Variants in ELMOD1 observed in about 807,000 individuals in gnomAD.
ELMOD1 encodes ELMO domain-containing protein 1.
A neutral mutation model predicts 46.7 loss-of-function variants in ELMOD1; 21 were observed. The ratio of observed to expected loss-of-function variants is 0.45; its 90% CI spans 0.32 to 0.65. ELMOD1 has a LOEUF of 0.65. ELMOD1 is among the 30% of genes least tolerant of loss of function. The pLI is 0.04. For missense variants in ELMOD1, 348 were observed against 407.8 expected, an observed-to-expected ratio of 0.85 and a Z score of 1.26; for synonymous variants, 122 against 138.2, an observed-to-expected ratio of 0.88 and a Z score of 0.82.
chr11:107,640,253 A>C (rs1414474043), intron 6 of ELMOD1, among the ~76,000 whole-genome samples: 1 of 152,166 alleles, frequency 6.6e-6, no homozygotes, highest in Non-Finnish European at 1.5e-5. Context: ...CTTCCAAAAT[A>C]AGTTTGACAA....
chr11:107,608,211 A>G (rs1284377935), intron 1 of ELMOD1, among the ~76,000 whole-genome samples: 5 of 152,140 alleles, frequency 3.3e-5, no homozygotes, highest in Non-Finnish European at 7.3e-5. Context: ...ATGAAAAGAA[A>G]ACAAGAAGAG....
intron 1 of ELMOD1, among the ~76,000 whole-genome samples, chr11:107,605,069 AT>A (rs1484654720): frequency 1.3e-5 from 2 of 152,218 alleles, no homozygotes; most frequent in African/African-American, 4.8e-5. Flanking sequence ...TTATTGTGAA[AT>A]TTAAACTAAA....
intron 1 of ELMOD1, among the ~76,000 whole-genome samples, chr11:107,598,709 C>G (rs1865536617): frequency 6.6e-6 from 1 of 152,234 alleles, no homozygotes; most frequent in Non-Finnish European, 1.5e-5. Flanking sequence ...TTGACCAGTG[C>G]TGGAGCGTCA....
chr11:107,615,755 T>A (rs1262707386), intron 1 of ELMOD1, among the ~76,000 whole-genome samples: 2 of 152,148 alleles, frequency 1.3e-5, no homozygotes, highest in African/African-American at 2.4e-5. Context: ...TAGACTTTCC[T>A]TGTTTTTTAA....
intron 11 of ELMOD1, among the ~76,000 whole-genome samples, chr11:107,659,214 G>A (rs493770): frequency 0.24 from 36,652 of 152,068 alleles, 8,896 homozygotes; most frequent in African/African-American, 0.62. Context: ...TGTAAGCCAC[G>A]TCAAACAGCA....
intron 1 of ELMOD1, among the ~76,000 whole-genome samples, chr11:107,599,254 C>T (rs910586762): frequency 6.6e-5 from 10 of 152,106 alleles, no homozygotes; most frequent in African/African-American, 2.4e-4. Flanking sequence ...TGCATTTCAT[C>T]CATTCCAAGA....
At chr11:107,601,330 GC>G (rs1406934710) in intron 1 of ELMOD1, among the ~76,000 whole-genome samples, 2 of 141,750 alleles carry the variant, frequency 1.4e-5, no homozygotes, top group Non-Finnish European at 3.0e-5. Context: ...TTTATTTATA[GC>G]TTTTTTTTTG....
intron 10 of ELMOD1, among the ~76,000 whole-genome samples, chr11:107,655,159 C>CTG (rs33941184): frequency 0.79 from 119,307 of 151,978 alleles, 47,675 homozygotes; most frequent in African/African-American, 0.93. Context: ...CCTTGCACAT[C>CTG]TGTGTATATA....
chr11:107,645,873 T>C (rs866944572), intron 6 of ELMOD1, among the ~76,000 whole-genome samples: 1 of 152,352 alleles, frequency 6.6e-6, no homozygotes, highest in African/African-American at 2.4e-5. Context: ...GTAAAATGAA[T>C]AACAGCTTTT....
chr11:107,591,410 G>T lies in ELMOD1; in HGVS notation c.-86+1G>T. 6.5e-6 allele frequency: 1 copy of T among 153,382 alleles called. No individual in the cohort carries two copies. The highest frequency in any genetic ancestry group is 2.0e-4 in the South Asian group (1 of 4,916). 9.5% of individuals were successfully genotyped at this position (153,382 alleles called of 1,614,324 possible). A position where few individuals can be genotyped will look rare whatever the true frequency, so the allele number is the denominator to read the frequency against. Reference sequence around the variant, plus strand: ...TGAGCCTACCGCCGCCAGAGTCCAGGTGATTGGCGACCCCAGAGGAGCCTA... The same window carrying T: ...TGAGCCTACCGCCGCCAGAGTCCAGTTGATTGGCGACCCCAGAGGAGCCTA... On this transcript the variant is annotated splice_donor_variant, in intron 1 of 11. Transcript: ENST00000265840. LOFTEE classifies it low-confidence loss of function (5UTR_SPLICE).
chr11:107,631,444 C>A, intron 4 of ELMOD1, 136 bp from the exon 5 acceptor site: 1 of 216,488 alleles, frequency 4.6e-6, no homozygotes, highest in Non-Finnish European at 9.2e-6. Context: ...AATTCAAGTA[C>A]GCTAAATCAA....
rs187208435 is a variant in ELMOD1 at position 107,646,564 on chromosome 11, G to A, written c.421-904G>A. The stretch of plus-strand genomic sequence containing the variant: ...AGCCTGGCCGATGTGGTAAAACCCC[G>A]CCTCTACTAAAAATACAAAAATCAG... On this transcript the variant is annotated intron_variant, in intron 6 of 11. Transcript: ENST00000265840. Among the ~76,000 whole-genome samples, 1,077 of 152,034 alleles carry A rather than the reference G, an allele frequency of 7.1e-3. 6 individuals are homozygous for A. Among genetic ancestry groups the A allele is most frequent in the Non-Finnish European group, 0.012 (828 of 67,978 alleles).
chr11:107,649,694 C>T (rs149574792), intron 7 of ELMOD1, among the ~76,000 whole-genome samples: 349 of 152,170 alleles, frequency 2.3e-3, no homozygotes, highest in South Asian at 7.5e-3. Context: ...TGGATTGATG[C>T]GGGAAATATA....
At chr11:107,650,216 T>G in intron 7 of ELMOD1, 119 bp from the exon 8 acceptor site, 3 of 659,362 alleles carry the variant, frequency 4.5e-6, no homozygotes, top group Non-Finnish European at 8.0e-6. Flanking sequence ...CTGAAACAAG[T>G]GATAACCTTA....
intron 5 of ELMOD1, among the ~76,000 whole-genome samples, chr11:107,634,119 C>T (rs1473344097): frequency 1.3e-5 from 2 of 152,126 alleles, no homozygotes; most frequent in South Asian, 2.1e-4. Flanking sequence ...CTCAAACATG[C>T]TCAAAGTCCA....
intron 11 of ELMOD1, among the ~76,000 whole-genome samples, chr11:107,661,270 G>A (rs1866735995): frequency 1.3e-5 from 2 of 152,180 alleles, no homozygotes; most frequent in South Asian, 4.1e-4. Context: ...ATAATTGTGT[G>A]TAAGGTAGGA....
rs1866824970 is a variant in ELMOD1 at position 107,665,369 on chromosome 11, T to A, written c.*172T>A. On this transcript the variant is annotated 3_prime_UTR_variant, in exon 12 of 12. Transcript: ENST00000265840. ...TCCGAGATCCCCAGAGACCACTGTT[T>A]CTGGAGTATCTGTCATCCAGTGACT... is the stretch of plus-strand genomic sequence containing the variant. 2 of 650,478 alleles carry A rather than the reference T, an allele frequency of 3.1e-6. No homozygotes were observed. The highest frequency in any genetic ancestry group is 5.4e-5 in the East Asian group (2 of 36,814). 40.3% of individuals were successfully genotyped at this position (650,478 alleles called of 1,614,324 possible).
chr11:107,630,374 T>C, intron 2 of ELMOD1, 43 bp from the exon 3 acceptor site: 1 of 1,531,128 alleles, frequency 6.5e-7, no homozygotes, highest in East Asian at 2.3e-5. Context: ...TCTCTTCTCT[T>C]CCAGAGTTCT....
intron 6 of ELMOD1, among the ~76,000 whole-genome samples, chr11:107,637,526 C>G (rs1415976004): frequency 6.6e-6 from 1 of 152,094 alleles, no homozygotes; most frequent in Non-Finnish European, 1.5e-5. Flanking sequence ...AACCCTGTCT[C>G]TACTAAAAAT....
Sources: allele counts gnomAD v4.1 joint callset (sites outside exome capture counted in the v4.1 genomes callset), GRCh38; gene constraint gnomAD v4.1.1; transcripts MANE v1.5; gene names NCBI Gene and HGNC (gene_info 2026-07-23, HGNC 2026-07-21).